SMOC2: variants seen among roughly 807,000 people sequenced by gnomAD.
SMOC2 encodes the protein SPARC-related modular calcium-binding protein 2.
SMOC2 carries 39 observed loss-of-function variants against 61.4 expected under a neutral mutation model. The ratio of observed to expected loss-of-function variants is 0.64; its 90% CI spans 0.49 to 0.83. The LOEUF is 0.83. Ranked by LOEUF, SMOC2 falls within the 40% of genes least tolerant of loss-of-function variation. SMOC2 has a pLI of 0.00. For missense variants in SMOC2, 556 were observed against 592.9 expected (o/e 0.94, Z 0.65); for synonymous variants, 247 against 239.9 (o/e 1.03, Z -0.27).
At chr6:168,600,424 AAAAAAAAAAC>A (rs1170104594) in intron 8 of SMOC2, among the ~76,000 whole-genome samples, 20,806 of 84,114 alleles carry the variant, frequency 0.25, 5,119 homozygotes, top group Non-Finnish European at 0.3. Flanking sequence ...AAAAAAAACA[AAAAAAAAAAC>A]AAAAAAAAAA....
At chr6:168,569,585 C>T (rs1034568340) in intron 7 of SMOC2, among the ~76,000 whole-genome samples, 3 of 152,120 alleles carry the variant, frequency 2.0e-5, no homozygotes, top group South Asian at 2.1e-4. Flanking sequence ...GGACCACAGG[C>T]GCACACCACC....
Position 168,541,038 on chromosome 6 carries a change from C to T in SMOC2, c.464-2587C>T, listed in dbSNP as rs142273204. On this transcript the variant is annotated intron_variant, in intron 4 of 12. Coordinates refer to ENST00000356284, the MANE Select transcript of SMOC2 (RefSeq NM_001166412.2). ...GGTAACACGTTGTTAAGGCTGAGAG[C>T]GGCTGGATTTGAACCAAGTGCTCAG... Among the ~76,000 whole-genome samples, 129 of 152,334 alleles carry T rather than the reference C, an allele frequency of 8.5e-4. 1 individual carries two copies. Among genetic ancestry groups the T allele is most frequent in the African/African-American group, 2.8e-3 (118 of 41,580 alleles).
chr6:168,528,269 T>TTTG (rs776308406), intron 4 of SMOC2, among the ~76,000 whole-genome samples: 4,601 of 148,208 alleles, frequency 0.031, 113 homozygotes, highest in Non-Finnish European at 0.049. Context: ...CCATTAGTGT[T>TTTG]TTTTTTTTTT....
chr6:168,539,636 G>A (rs571524083), intron 4 of SMOC2, among the ~76,000 whole-genome samples: 1 of 152,334 alleles, frequency 6.6e-6, no homozygotes, highest in East Asian at 1.9e-4. Context: ...AGCCCAGTGG[G>A]GACAGAACGC....
chr6:168,661,350 G>A (rs576806282), intron 11 of SMOC2, among the ~76,000 whole-genome samples: 82 of 152,258 alleles, frequency 5.4e-4, no homozygotes, highest in African/African-American at 1.8e-3. Flanking sequence ...GGTAGCTCAT[G>A]CCTGTAATCC....
intron 7 of SMOC2, among the ~76,000 whole-genome samples, chr6:168,571,477 T>A (rs1443579119): frequency 6.6e-6 from 1 of 152,126 alleles, no homozygotes; most frequent in Non-Finnish European, 1.5e-5. Context: ...TGAACGTGTC[T>A]CAGCAATCCG....
intron 7 of SMOC2, among the ~76,000 whole-genome samples, chr6:168,597,272 C>T (rs368760817): frequency 2.0e-5 from 3 of 152,160 alleles, no homozygotes; most frequent in Non-Finnish European, 2.9e-5. Flanking sequence ...CATAAAATTA[C>T]GAATCTGATT....
At chr6:168,642,096 A>G (rs937703193) in intron 9 of SMOC2, among the ~76,000 whole-genome samples, 1 of 152,244 alleles carries the variant, frequency 6.6e-6, no homozygotes, top group Admixed American at 6.5e-5. Context: ...TGGATAAAAG[A>G]AAAACTTCAG....
intron 2 of SMOC2, among the ~76,000 whole-genome samples, chr6:168,518,171 C>T (rs1409119094): frequency 6.6e-6 from 1 of 152,234 alleles, no homozygotes; most frequent in Non-Finnish European, 1.5e-5. Flanking sequence ...CCTTCACCCC[C>T]GCACAAGCGC....
intron 10 of SMOC2, 79 bp from the exon 11 acceptor site, chr6:168,652,875 G>A (rs1787230327): frequency 7.2e-7 from 1 of 1,394,110 alleles, no homozygotes; most frequent in Non-Finnish European, 9.9e-7. Flanking sequence ...CAGGGGTTAT[G>A]GGTTTGAGGG....
intron 9 of SMOC2, among the ~76,000 whole-genome samples, chr6:168,645,509 C>T (rs924845624): frequency 2.0e-5 from 3 of 152,206 alleles, no homozygotes; most frequent in African/African-American, 7.2e-5. Context: ...TTTCTCCCCT[C>T]AGGGCACCAC....
intron 9 of SMOC2, among the ~76,000 whole-genome samples, chr6:168,614,412 T>C (rs74909233): frequency 4.2e-5 from 3 of 70,998 alleles, no homozygotes; most frequent in Non-Finnish European, 2.6e-5. Context: ...GGCCTCTTTA[T>C]ACCTACAGCC....
chr6:168,503,892 A>G (rs969581462), intron 1 of SMOC2, among the ~76,000 whole-genome samples: 2 of 152,170 alleles, frequency 1.3e-5, no homozygotes, highest in Non-Finnish European at 2.9e-5. Context: ...CGTTGGCCTC[A>G]TCTGTGTCAT....
chr6:168,479,338 T>C (rs1782157638), intron 1 of SMOC2, among the ~76,000 whole-genome samples: 1 of 152,218 alleles, frequency 6.6e-6, no homozygotes, highest in East Asian at 1.9e-4. Context: ...TTAAAATGTA[T>C]GTATAAGCCA....
At chr6:168,448,002 G>GA (rs1186449996) in intron 1 of SMOC2, among the ~76,000 whole-genome samples, 2 of 152,108 alleles carry the variant, frequency 1.3e-5, no homozygotes, top group Non-Finnish European at 2.9e-5. Context: ...TGGGATTAGG[G>GA]ACATTGACTC....
At chr6:168,510,647 C>T (rs1268020164) in intron 2 of SMOC2, among the ~76,000 whole-genome samples, 1 of 152,132 alleles carries the variant, frequency 6.6e-6, no homozygotes, top group Non-Finnish European at 1.5e-5. Flanking sequence ...GGAAAAAAGA[C>T]CACAAAGACT....
chr6:168,441,916 C>G (rs1199371288), intron 1 of SMOC2, among the ~76,000 whole-genome samples: 1 of 152,110 alleles, frequency 6.6e-6, no homozygotes, highest in African/African-American at 2.4e-5. Flanking sequence ...ACAGACCCGC[C>G]GGGACTGGGC....
At chr6:168,564,826 C>G (rs1014373015) in intron 7 of SMOC2, among the ~76,000 whole-genome samples, 1 of 152,226 alleles carries the variant, frequency 6.6e-6, no homozygotes, top group Non-Finnish European at 1.5e-5. Context: ...GGCAGCGGGT[C>G]TCACTGCTGT....
At chr6:168,653,473 C>G (rs2115277167) in intron 11 of SMOC2, among the ~76,000 whole-genome samples, 1 of 152,372 alleles carries the variant, frequency 6.6e-6, no homozygotes, top group Non-Finnish European at 1.5e-5. Flanking sequence ...TTGCAATGAG[C>G]CTTTTTACTG....
Sources: gnomAD v4.1 joint callset for allele counts (sites outside exome capture counted in the v4.1 genomes callset) on GRCh38, gnomAD v4.1.1 for gene constraint, MANE v1.5 for transcripts, NCBI Gene and HGNC (gene_info 2026-07-23, HGNC 2026-07-21) for gene names.